MALRD1: variants seen among roughly 807,000 people sequenced by gnomAD.
MALRD1 encodes MAM and LDL-receptor class A domain-containing protein 1.
MALRD1 carries 247 observed loss-of-function variants against 242.1 expected under a neutral mutation model. The ratio of observed to expected loss-of-function variants is 1.02; its 90% confidence interval spans 0.92 to 1.13. The LOEUF (loss-of-function observed/expected upper bound fraction) is 1.13. Ranked by LOEUF, MALRD1 falls within the 50% of genes most tolerant of loss-of-function variation. The pLI, the probability that MALRD1 is intolerant of heterozygous loss-of-function variation, is 0.00. For missense variants in MALRD1, 2,989 were observed against 2,533.1 expected, an observed-to-expected ratio of 1.18 and a Z score of -3.86; for synonymous variants, 995 against 866.6, an observed-to-expected ratio of 1.15 and a Z score of -2.60.
intron 36 of MALRD1, among the ~76,000 whole-genome samples, chr10:19,640,182 C>A (rs971285505): frequency 6.6e-6 from 1 of 152,090 alleles, no homozygotes; most frequent in African/African-American, 2.4e-5. Flanking sequence ...CTCCACCTCC[C>A]AGGTTCAAGC....
At chr10:19,210,017 C>A (rs1007923352) in intron 18 of MALRD1, among the ~76,000 whole-genome samples, 2 of 152,132 alleles carry the variant, frequency 1.3e-5, no homozygotes, top group African/African-American at 4.8e-5. Flanking sequence ...GCAAAGAGCA[C>A]AGACACTGAA....
At chr10:19,586,538 A>G (rs7083523) in intron 33 of MALRD1, among the ~76,000 whole-genome samples, 78,484 of 151,972 alleles carry the variant, frequency 0.52, 20,398 homozygotes, top group African/African-American at 0.56. Flanking sequence ...TAGGCTGCTC[A>G]GGGGTCAGGG....
chr10:19,117,967 C>T (rs141232577), intron 5 of MALRD1, among the ~76,000 whole-genome samples: 15 of 152,152 alleles, frequency 9.9e-5, no homozygotes, highest in African/African-American at 3.1e-4. Flanking sequence ...GTAATCATTG[C>T]GTTCACCAAG....
At chr10:19,634,211 C>T (rs1027643018) in intron 36 of MALRD1, among the ~76,000 whole-genome samples, 2 of 152,120 alleles carry the variant, frequency 1.3e-5, no homozygotes, top group African/African-American at 4.8e-5. Context: ...AAAGTTATTC[C>T]TCTCATTTCC....
At chr10:19,696,928 T>A (rs1564549570) in intron 38 of MALRD1, among the ~76,000 whole-genome samples, 1 of 151,948 alleles carries the variant, frequency 6.6e-6, no homozygotes, top group Non-Finnish European at 1.5e-5. Context: ...AAAAAAAGAC[T>A]ATCTTATTCA....
At chr10:19,498,339 CAAT>C (rs1214849883) in intron 30 of MALRD1, 143 bp from the exon 31 acceptor site, 9 of 685,514 alleles carry the variant, frequency 1.3e-5, no homozygotes, top group Non-Finnish European at 2.1e-5. Context: ...AAAATATTAA[CAAT>C]GAGTACAAAT....
chr10:19,257,891 C>T (rs1444711807), intron 19 of MALRD1, 120 bp downstream of exon 19: 3 of 629,056 alleles, frequency 4.8e-6, no homozygotes, highest in African/African-American at 3.8e-5. Flanking sequence ...TATTCTTTTT[C>T]TCAAAACTAT....
chr10:19,339,575 CA>C, intron 24 of MALRD1, among the ~76,000 whole-genome samples: 1 of 152,174 alleles, frequency 6.6e-6, no homozygotes, highest in East Asian at 1.9e-4. Context: ...GCCATTGCTA[CA>C]AATTTTAGGT....
chr10:19,651,005 C>T (rs1311832373), intron 36 of MALRD1, among the ~76,000 whole-genome samples: 4 of 152,204 alleles, frequency 2.6e-5, no homozygotes, highest in Non-Finnish European at 5.9e-5. Context: ...AGTCTCCCCA[C>T]TATCTCTAGA....
intron 14 of MALRD1, among the ~76,000 whole-genome samples, 183 bp from the exon 15 acceptor site, chr10:19,203,545 T>C (rs1013449149): frequency 1.3e-5 from 2 of 152,232 alleles, no homozygotes; most frequent in Admixed American, 6.5e-5. Context: ...ATCTCCAGTA[T>C]GGAAAGCATA....
chr10:19,325,585 A>G (rs115262659), intron 22 of MALRD1, among the ~76,000 whole-genome samples: 2 of 152,160 alleles, frequency 1.3e-5, no homozygotes, highest in South Asian at 2.1e-4. Context: ...GAAGAAGCCA[A>G]CTCAATTTTG....
intron 13 of MALRD1, among the ~76,000 whole-genome samples, chr10:19,169,347 A>G (rs929384039): frequency 2.6e-5 from 4 of 152,230 alleles, no homozygotes; most frequent in African/African-American, 7.2e-5. Flanking sequence ...TACACAATAT[A>G]TAAAAATAGA....
chr10:19,538,217 TA>T (rs1458641045), intron 32 of MALRD1, among the ~76,000 whole-genome samples: 1 of 152,160 alleles, frequency 6.6e-6, no homozygotes, highest in Non-Finnish European at 1.5e-5. Context: ...GAGGGCTGCA[TA>T]AAGAAAATAT....
chr10:19,507,534 C>T (rs1282401394), intron 31 of MALRD1, among the ~76,000 whole-genome samples: 1 of 151,936 alleles, frequency 6.6e-6, no homozygotes, highest in Non-Finnish European at 1.5e-5. Flanking sequence ...AATAATATCT[C>T]TTCACTAGGT....
Position 19,171,744 on chromosome 10 carries a change from T to A in MALRD1, c.1831-3464T>A, listed in dbSNP as rs1303641414. Reference sequence around the variant, plus strand: ...CACGTATATACGTATATATATCATATAATATACGATATATATACACATATA... The same window carrying A: ...CACGTATATACGTATATATATCATAAAATATACGATATATATACACATATA... On this transcript the variant is annotated intron_variant, in intron 13 of 39. Transcript: ENST00000454679. 2.5e-5 allele frequency among the ~76,000 whole-genome samples: 3 copies of A among 121,376 alleles called. 1 individual carries two copies. Among genetic ancestry groups the A allele is most frequent in the East Asian group, 5.3e-4 (2 of 3,748 alleles). The allele number at this position is 121,376 out of a possible 152,430, so 79.6% of individuals were successfully genotyped here. A position where few individuals can be genotyped will look rare whatever the true frequency, so the allele number is the denominator to read the frequency against.
intron 36 of MALRD1, among the ~76,000 whole-genome samples, chr10:19,621,442 A>T (rs1041922773): frequency 2.6e-5 from 4 of 151,516 alleles, no homozygotes; most frequent in African/African-American, 9.6e-5. Flanking sequence ...GAAAAAATGA[A>T]ATTGAAAAAG....
At chr10:19,606,857 A>G (rs908082921) in intron 34 of MALRD1, among the ~76,000 whole-genome samples, 8 of 152,112 alleles carry the variant, frequency 5.3e-5, no homozygotes, top group Non-Finnish European at 1.0e-4. Flanking sequence ...CATAAAACCA[A>G]TGCCAACCAT....
At chr10:19,058,077 C>T (rs1834719760) in intron 1 of MALRD1, among the ~76,000 whole-genome samples, 2 of 152,146 alleles carry the variant, frequency 1.3e-5, no homozygotes, top group Non-Finnish European at 1.5e-5. Flanking sequence ...TCCAGTGTCT[C>T]GTTTAATTTT....
chr10:19,387,225 C>T (rs898302194), intron 26 of MALRD1, among the ~76,000 whole-genome samples: 2 of 151,296 alleles, frequency 1.3e-5, no homozygotes, highest in Admixed American at 1.3e-4. Context: ...AATTTACATC[C>T]TTGAACACAG....
Sources: allele counts gnomAD v4.1 joint callset (sites outside exome capture counted in the v4.1 genomes callset), GRCh38; gene constraint gnomAD v4.1.1; transcripts MANE v1.5; gene names NCBI Gene and HGNC (gene_info 2026-07-23, HGNC 2026-07-21).